ADSS2: variants seen among roughly 807,000 people sequenced by gnomAD.
ADSS2 encodes adenylosuccinate synthetase isozyme 2.
In ADSS2, 30 loss-of-function variants were observed where a neutral mutation model predicts 60.0. The observed-to-expected ratio is 0.50, with a 90% confidence interval of 0.37 to 0.68. The LOEUF is 0.68. Ranked by LOEUF, ADSS2 falls within the 30% of genes least tolerant of loss-of-function variation. The pLI, the probability that ADSS2 is intolerant of heterozygous loss-of-function variation, is 0.00. For missense variants in ADSS2, 373 were observed against 554.8 expected (o/e 0.67, Z 3.29); for synonymous variants, 187 against 193.1 (o/e 0.97, Z 0.26).
intron 1 of ADSS2, 38 bp from the exon 2 acceptor site, chr1:244,437,806 A>T: frequency 7.2e-7 from 1 of 1,388,186 alleles, no homozygotes; most frequent in Non-Finnish European, 1.0e-6. Context: ...GCCTGATGAT[A>T]AATACTACAA....
At chr1:244,419,182 T>C (rs1250967149) in intron 8 of ADSS2, 1 of 280,300 alleles carries the variant, frequency 3.6e-6, no homozygotes, top group African/African-American at 2.2e-5. Context: ...TTATAGCAGC[T>C]ACTCACTTAC....
intron 3 of ADSS2, 113 bp from the exon 4 acceptor site, chr1:244,432,708 GGCTGGAGT>G: frequency 1.6e-6 from 1 of 607,356 alleles, no homozygotes; most frequent in East Asian, 4.2e-5. Context: ...CTGTCACCCA[GGCTGGAGT>G]GCAGTGGTGT....
intron 3 of ADSS2, among the ~76,000 whole-genome samples, 194 bp downstream of exon 3, chr1:244,436,631 A>G (rs1017048641): frequency 6.6e-6 from 1 of 152,236 alleles, no homozygotes; most frequent in African/African-American, 2.4e-5. Context: ...GACTTAATAC[A>G]ATGACATAAG....
At chr1:244,445,589 C>T (rs1665364453) in intron 1 of ADSS2, among the ~76,000 whole-genome samples, 1 of 151,372 alleles carries the variant, frequency 6.6e-6, no homozygotes, top group Admixed American at 6.6e-5. Flanking sequence ...AATTTTGGAT[C>T]AGGAAATGCT....
chr1:244,432,625 G>A, intron 3 of ADSS2, 30 bp from the exon 4 acceptor site: 5 of 1,015,382 alleles, frequency 4.9e-6, no homozygotes, highest in African/African-American at 1.8e-5. Flanking sequence ...ATATTTAATT[G>A]AATATTTTGT....
In ADSS2 at chr1:244,451,620, G is replaced by A. The variant is rs774012098; in HGVS notation, c.183+15C>T. 6.2e-7 allele frequency: 1 copy of A among 1,600,084 alleles called. No individual in the cohort carries two copies. On this transcript the variant is annotated intron_variant, in intron 1 of 12. Coordinates refer to ENST00000366535, the MANE Select transcript of ADSS2 (RefSeq NM_001126.5). This position sits in a 1 kb window ranked among gnomAD's most constrained non-coding sequence, Gnocchi z 6.6. ...TCCCGGGCCCGGCTTCCCATGAGAG[G>A]CCCCGTCGCCTCACCTGGCAGCGGC... is the stretch of plus-strand genomic sequence containing the variant.
At position 244,411,113 on chromosome 1, in the gene ADSS2, C is replaced by A. The variant is rs892015035; in HGVS notation, c.1318+174G>T. 2.0e-5 allele frequency among the ~76,000 whole-genome samples: 3 copies of A among 151,490 alleles called. No homozygotes were observed. The South Asian group carries it at 6.2e-4, about 31-fold the overall frequency. ...GCGCGCACCTCTAATCCCAGCTACT[C>A]GGGAGGCTGAGGTAGGAGAATAGCT... On this transcript the variant is annotated intron_variant, in intron 12 of 12. Transcript: ENST00000366535.
chr1:244,414,395 A>T (rs1456815345), intron 11 of ADSS2, among the ~76,000 whole-genome samples: 1 of 152,210 alleles, frequency 6.6e-6, no homozygotes, highest in Non-Finnish European at 1.5e-5. Flanking sequence ...AGAGAGCTAA[A>T]TGGAAATTCT....
chr1:244,436,505 G>C (rs1018286356), intron 3 of ADSS2, among the ~76,000 whole-genome samples: 4 of 152,146 alleles, frequency 2.6e-5, no homozygotes, highest in African/African-American at 9.7e-5. Flanking sequence ...AGATCCTCTA[G>C]AAAACAAGAC....
At position 244,437,669 on chromosome 1, in the gene ADSS2, T is replaced by C. The variant is rs1166400002; in HGVS notation, c.283A>G (p.Ile95Val). ...GIINPNVTAFIGNGVVIHLPG... is the reference protein window; with the variant it reads ...GIINPNVTAFVGNGVVIHLPG... ...GCAGTTCAGTTTATATACTTACCAA[T>C]GAATGCAGTGACATTTGGATTAATT... The change falls in exon 2 of 13, where the codon ATT becomes GTT. Residue 95 changes from isoleucine to valine, a missense_variant. Physicochemically the swap from Ile to Val is conservative, Grantham distance 29. Around this residue, in one of 5 missense-constraint regions of ADSS2, gnomAD observed 139 missense variants for 189.4 expected, o/e 0.73. Coordinates refer to ENST00000366535, the MANE Select transcript of ADSS2 (RefSeq NM_001126.5). 2 of 1,571,190 alleles carry C rather than the reference T, an allele frequency of 1.3e-6. No individual in the cohort carries two copies. The highest frequency in any genetic ancestry group is 1.8e-6 in the Non-Finnish European group (2 of 1,142,360).
At chr1:244,446,500 T>A (rs1665387497) in intron 1 of ADSS2, among the ~76,000 whole-genome samples, 1 of 152,208 alleles carries the variant, frequency 6.6e-6, no homozygotes. Flanking sequence ...TTTAAAGGTA[T>A]CCACTTTACT....
At chr1:244,430,505 G>C (rs951374805) in intron 4 of ADSS2, among the ~76,000 whole-genome samples, 1 of 152,178 alleles carries the variant, frequency 6.6e-6, no homozygotes, top group African/African-American at 2.4e-5. Flanking sequence ...GGATTATTCT[G>C]TTTTGCAATC....
intron 7 of ADSS2, 86 bp from the exon 8 acceptor site, chr1:244,420,382 G>C: frequency 7.8e-7 from 1 of 1,281,752 alleles, no homozygotes; most frequent in Non-Finnish European, 1.1e-6. Flanking sequence ...CTGACTTTAT[G>C]ACATGAAAAC....
chr1:244,418,752 A>G lies in ADSS2; in HGVS notation c.945+8T>C. 1.9e-6 allele frequency: 3 copies of G among 1,580,822 alleles called. No homozygotes were observed. Among genetic ancestry groups the G allele is most frequent in the Non-Finnish European group, 2.6e-6 (3 of 1,168,860 alleles). On this transcript the variant is annotated splice_region_variant and intron_variant, in intron 9 of 12. Transcript: ENST00000366535. ...TACATTTTGATTATTTACTTAGAAT[A>G]GGCTTACATTGTCTTGCTCTGTAGG...
chr1:244,437,388 A>G (rs1665132235), intron 2 of ADSS2, among the ~76,000 whole-genome samples: 1 of 152,168 alleles, frequency 6.6e-6, no homozygotes, highest in Non-Finnish European at 1.5e-5. Flanking sequence ...TATTTGGAAA[A>G]CTGATTCAAT....
At chr1:244,411,108 C>T (rs1664402959) in intron 12 of ADSS2, among the ~76,000 whole-genome samples, 179 bp downstream of exon 12, 1 of 151,882 alleles carries the variant, frequency 6.6e-6, no homozygotes. Flanking sequence ...CTAATCCCAG[C>T]TACTCGGGAG....
intron 1 of ADSS2, among the ~76,000 whole-genome samples, chr1:244,447,634 C>T (rs1200686911): frequency 6.6e-6 from 1 of 152,046 alleles, no homozygotes; most frequent in Non-Finnish European, 1.5e-5. Context: ...CTATTTTCTC[C>T]TAAAAACAAG....
In ADSS2 at chr1:244,442,242, T is replaced by TACACACAC. The variant is rs71739056; in HGVS notation, c.184-4482_184-4475dup. Among the ~76,000 whole-genome samples, 625 of 149,148 alleles carry TACACACAC rather than the reference T, an allele frequency of 4.2e-3. 3 individuals carry two copies. Among genetic ancestry groups the TACACACAC allele is most frequent in the Non-Finnish European group, 6.4e-3 (427 of 67,120 alleles). On this transcript the variant is annotated intron_variant, in intron 1 of 12. Transcript: ENST00000366535. Reference sequence around the variant, plus strand: ...CATAATAAAGAGATGATGGTTGCTCTACACACACACACACACACACACACA... The same window carrying TACACACAC: ...CATAATAAAGAGATGATGGTTGCTCTACACACACACACACACACACACACACACACACA...
In ADSS2 at chr1:244,436,480, C is replaced by T. The variant is rs138702026; in HGVS notation, c.355+345G>A. On this transcript the variant is annotated intron_variant, in intron 3 of 12. Coordinates refer to ENST00000366535, the MANE Select transcript of ADSS2 (RefSeq NM_001126.5). ...CCCTTTTATCCCTGAGTTGTAGCAACGAAAGGAGAGCTCCAGATCCTCTAG... is the reference window on the plus strand; with the variant it reads ...CCCTTTTATCCCTGAGTTGTAGCAATGAAAGGAGAGCTCCAGATCCTCTAG... 7.5e-3 allele frequency among the ~76,000 whole-genome samples: 1,135 copies of T among 152,246 alleles called. 10 individuals carry two copies. The highest frequency in any genetic ancestry group is 0.012 in the Non-Finnish European group (821 of 68,016).
Sources: allele counts gnomAD v4.1 joint callset (sites outside exome capture counted in the v4.1 genomes callset), GRCh38; gene constraint gnomAD v4.1.1; regional missense constraint gnomAD v4.1.1; non-coding constraint Gnocchi (gnomAD v3.1); transcripts MANE v1.5; gene names NCBI Gene and HGNC (gene_info 2026-07-23, HGNC 2026-07-21).